EMSY: variants seen among roughly 807,000 people sequenced by gnomAD.
The protein encoded by EMSY is EMSY transcriptional repressor, BRCA2 interacting.
In EMSY, 26 loss-of-function variants were observed where a neutral mutation model predicts 134.6. The observed-to-expected ratio is 0.19, with a 90% confidence interval of 0.14 to 0.27. The LOEUF (loss-of-function observed/expected upper bound fraction) is 0.27, where lower values mean the gene tolerates loss of function less well. Ranked by LOEUF, EMSY falls within the 10% of genes least tolerant of loss-of-function variation. The probability of loss-of-function intolerance (pLI) is 1.00; values close to 1 mark genes in which losing one functional copy is unlikely to be tolerated. For synonymous variants in EMSY, 579 were observed against 577.8 expected, an observed-to-expected ratio of 1.00 and a Z score of -0.03; for missense variants, 1,305 against 1,611.4, an observed-to-expected ratio of 0.81 and a Z score of 3.26.
intron 18 of EMSY, among the ~76,000 whole-genome samples, chr11:76,542,753 G>GTTTTTTGTTTTTTTTTTTTTT (rs749234059): frequency 2.2e-4 from 24 of 109,140 alleles, no homozygotes; most frequent in South Asian, 2.9e-4. Flanking sequence ...TTCGTTTTTT[G>GTTTTTTGTTTTTTTTTTTTTT]TTTTTTTTTT....
chr11:76,463,868 A>G (rs1171939182), exon 7 of EMSY: 7 of 1,614,240 alleles, frequency 4.3e-6, no homozygotes, highest in Non-Finnish European at 5.9e-6. Context: ...ACGAAGGCGA[A>G]CAAACTCTTC....
chr11:76,509,863 C>T (rs1950212855), intron 9 of EMSY, among the ~76,000 whole-genome samples: 1 of 152,182 alleles, frequency 6.6e-6, no homozygotes, highest in South Asian at 2.1e-4. Flanking sequence ...ACTTTTTATA[C>T]TGGTCAGTTT....
At chr11:76,495,179 C>T (rs543855519) in intron 8 of EMSY, among the ~76,000 whole-genome samples, 1 of 152,330 alleles carries the variant, frequency 6.6e-6, no homozygotes, top group South Asian at 2.1e-4. Flanking sequence ...TATCCTCCAT[C>T]TTTATCATTC....
intron 10 of EMSY, among the ~76,000 whole-genome samples, chr11:76,514,739 A>G (rs899532204): frequency 6.6e-6 from 1 of 152,216 alleles, no homozygotes; most frequent in African/African-American, 2.4e-5. Flanking sequence ...TCATTCAACA[A>G]TAATGCTTCA....
At chr11:76,487,670 C>G in intron 8 of EMSY, among the ~76,000 whole-genome samples, 1 of 152,232 alleles carries the variant, frequency 6.6e-6, no homozygotes, top group East Asian at 1.9e-4. Context: ...TCAGTGTATA[C>G]AAACTTTGCA....
intron 20 of EMSY, among the ~76,000 whole-genome samples, chr11:76,548,259 G>A (rs1294118233): frequency 6.6e-6 from 1 of 152,170 alleles, no homozygotes; most frequent in Non-Finnish European, 1.5e-5. Context: ...GATTTGCTGA[G>A]TCTGTAAAGT....
At chr11:76,550,236 T>A (rs1951798386) in exon 21 of EMSY, 1 of 1,134,566 alleles carries the variant, frequency 8.8e-7, no homozygotes, top group South Asian at 2.6e-5. Context: ...AAGAGCACTT[T>A]GCCCGTACTT....
intron 7 of EMSY, among the ~76,000 whole-genome samples, chr11:76,465,930 T>C (rs779787147): frequency 1.1e-4 from 16 of 152,202 alleles, no homozygotes; most frequent in Non-Finnish European, 2.2e-4. Context: ...TCACTGTCTT[T>C]AGGGCTTTTG....
intron 16 of EMSY, among the ~76,000 whole-genome samples, chr11:76,538,382 C>G (rs527830606): frequency 1.3e-5 from 2 of 152,224 alleles, no homozygotes; most frequent in African/African-American, 4.8e-5. Context: ...GCCTCAGCCT[C>G]CTGAGTAGCT....
At chr11:76,476,875 G>A (rs1948787314) in intron 8 of EMSY, among the ~76,000 whole-genome samples, 1 of 152,054 alleles carries the variant, frequency 6.6e-6, no homozygotes, top group Non-Finnish European at 1.5e-5. Context: ...CATTGTTTCT[G>A]CATTTTATTG....
At chr11:76,527,888 C>A (rs1450479730) in intron 13 of EMSY, among the ~76,000 whole-genome samples, 1 of 152,036 alleles carries the variant, frequency 6.6e-6, no homozygotes, top group South Asian at 2.1e-4. Flanking sequence ...TGGACTGATA[C>A]TGCAGCACAA....
At chr11:76,451,716 T>C (rs1947677116) in intron 2 of EMSY, 142 bp from the exon 3 acceptor site, 2 of 426,020 alleles carry the variant, frequency 4.7e-6, no homozygotes, top group Non-Finnish European at 8.3e-6. Flanking sequence ...TTTAATGTTA[T>C]TAGATAAAAT....
At chr11:76,544,113 A>G in intron 18 of EMSY, 146 bp from the exon 20 acceptor site, 1 of 780,572 alleles carries the variant, frequency 1.3e-6, no homozygotes, top group Non-Finnish European at 2.0e-6. Context: ...AAGTTGCAGT[A>G]GAAAGCTCCT....
chr11:76,478,059 T>C (rs1948833901), intron 8 of EMSY, among the ~76,000 whole-genome samples: 1 of 152,232 alleles, frequency 6.6e-6, no homozygotes, highest in African/African-American at 2.4e-5. Flanking sequence ...ACTCCTGCTG[T>C]CTGCACTTTA....
At chr11:76,450,012 A>C (rs1267484059) in intron 2 of EMSY, among the ~76,000 whole-genome samples, 1 of 151,754 alleles carries the variant, frequency 6.6e-6, no homozygotes, top group Non-Finnish European at 1.5e-5. Context: ...TACTGGAATA[A>C]TATGAAACTA....
intron 4 of EMSY, 103 bp downstream of exon 5, chr11:76,454,893 C>A: frequency 1.1e-6 from 1 of 874,622 alleles, no homozygotes; most frequent in Non-Finnish European, 1.7e-6. Context: ...ATGAATTAAC[C>A]ATGCCCCTTG....
intron 7 of EMSY, among the ~76,000 whole-genome samples, chr11:76,467,480 T>C (rs1322633044): frequency 6.6e-6 from 1 of 152,216 alleles, no homozygotes; most frequent in African/African-American, 2.4e-5. Flanking sequence ...TATTGCAAAG[T>C]TGTTTATCTT....
At chr11:76,500,076 CAAAAA>C (rs66518169) in intron 9 of EMSY, among the ~76,000 whole-genome samples, 1 of 124,286 alleles carries the variant, frequency 8.0e-6, no homozygotes, top group African/African-American at 3.2e-5. Context: ...GAGCCTATCT[CAAAAA>C]AAAAAAAAAA....
At chr11:76,472,188 G>A (rs1448776452) in intron 7 of EMSY, among the ~76,000 whole-genome samples, 2 of 152,098 alleles carry the variant, frequency 1.3e-5, no homozygotes, top group Admixed American at 6.5e-5. Flanking sequence ...CTATTCTCCA[G>A]CGTCTAGAAC....
Sources: allele counts gnomAD v4.1 joint callset (sites outside exome capture counted in the v4.1 genomes callset), GRCh38; gene constraint gnomAD v4.1.1; transcripts MANE v1.5; gene names NCBI Gene and HGNC (gene_info 2026-07-23, HGNC 2026-07-21).